Variants in CSMD1 observed in about 807,000 individuals in gnomAD.
CSMD1 encodes CUB and sushi domain-containing protein 1.
Under a neutral mutation model 417.5 loss-of-function variants are expected in CSMD1, and 213 were observed. The ratio of observed to expected loss-of-function variants is 0.51; its 90% CI spans 0.46 to 0.57. The LOEUF (loss-of-function observed/expected upper bound fraction) is 0.57. CSMD1 is among the 20% of genes least tolerant of loss of function. The pLI is 0.00. For synonymous variants in CSMD1, 2,862 were observed against 1,736.8 expected (o/e 1.65, Z -16.11); for missense variants, 6,923 against 4,529.7 (o/e 1.53, Z -15.17).
At chr8:3,303,469 T>G (rs779660158) in intron 25 of CSMD1, among the ~76,000 whole-genome samples, 46 of 152,194 alleles carry the variant, frequency 3.0e-4, no homozygotes, top group Non-Finnish European at 5.1e-4. Flanking sequence ...TTTGACAACC[T>G]TGATACCTTT....
At chr8:3,651,812 C>T (rs1797871652) in intron 7 of CSMD1, among the ~76,000 whole-genome samples, 1 of 151,654 alleles carries the variant, frequency 6.6e-6, no homozygotes, top group Admixed American at 6.6e-5. Context: ...CACTTACCAC[C>T]ATCAGAGCAC....
chr8:4,145,606 G>C (rs1033209534), intron 3 of CSMD1, among the ~76,000 whole-genome samples: 1 of 150,872 alleles, frequency 6.6e-6, no homozygotes, highest in Non-Finnish European at 1.5e-5. Flanking sequence ...ATGGGCTAGT[G>C]TCAAAGTCCT....
intron 1 of CSMD1, among the ~76,000 whole-genome samples, chr8:4,782,769 G>A (rs185271635): frequency 1.3e-5 from 2 of 152,212 alleles, no homozygotes; most frequent in African/African-American, 4.8e-5. Context: ...TTTCTAGTTA[G>A]TAATAGTTTC....
intron 1 of CSMD1, among the ~76,000 whole-genome samples, chr8:4,905,073 C>T (rs1041124539): frequency 6.6e-6 from 1 of 152,082 alleles, no homozygotes; most frequent in African/African-American, 2.4e-5. Flanking sequence ...ATTTCTCTGC[C>T]AGCATAGGAT....
chr8:3,873,978 C>T (rs2129115214), intron 5 of CSMD1, among the ~76,000 whole-genome samples: 1 of 152,288 alleles, frequency 6.6e-6, no homozygotes, highest in South Asian at 2.1e-4. Context: ...GTGTTGGTGA[C>T]ATAGGTCTGT....
chr8:4,686,428 C>T (rs191234538), intron 1 of CSMD1, among the ~76,000 whole-genome samples: 435 of 152,332 alleles, frequency 2.9e-3, no homozygotes, highest in African/African-American at 9.4e-3. Flanking sequence ...TCTTCTCCCC[C>T]GATGTAGGCC....
At chr8:4,861,143 C>A (rs1430775695) in intron 1 of CSMD1, among the ~76,000 whole-genome samples, 1 of 152,030 alleles carries the variant, frequency 6.6e-6, no homozygotes, top group East Asian at 1.9e-4. Context: ...AGTGAATGTT[C>A]GTTGAACAAA....
chr8:3,853,222 T>C (rs910544385), intron 5 of CSMD1, among the ~76,000 whole-genome samples: 14 of 152,176 alleles, frequency 9.2e-5, no homozygotes, highest in African/African-American at 2.9e-4. Context: ...TCTTCTTTGT[T>C]GGTTCTTCCT....
At chr8:3,809,749 G>A (rs747560047) in intron 5 of CSMD1, among the ~76,000 whole-genome samples, 12 of 152,108 alleles carry the variant, frequency 7.9e-5, no homozygotes, top group Non-Finnish European at 1.6e-4. Flanking sequence ...CCTAAGAGGG[G>A]AGTTGAGACA....
chr8:4,792,040 A>T (rs1797720747), intron 1 of CSMD1, among the ~76,000 whole-genome samples: 1 of 152,060 alleles, frequency 6.6e-6, no homozygotes, highest in Admixed American at 6.6e-5. Flanking sequence ...AAAAGTGGTG[A>T]CATTCTTACC....
At chr8:3,781,230 G>A (rs954269759) in intron 5 of CSMD1, among the ~76,000 whole-genome samples, 6 of 152,154 alleles carry the variant, frequency 3.9e-5, no homozygotes, top group Non-Finnish European at 8.8e-5. Flanking sequence ...AATTGCACCT[G>A]TTCAATTTTG....
chr8:3,276,708 A>T (rs1464069263), intron 26 of CSMD1, among the ~76,000 whole-genome samples: 2 of 152,158 alleles, frequency 1.3e-5, no homozygotes, highest in African/African-American at 2.4e-5. Flanking sequence ...GAAAATTTTG[A>T]ATTAAGCTCA....
At chr8:3,841,974 T>C (rs1342928815) in intron 5 of CSMD1, among the ~76,000 whole-genome samples, 1 of 152,178 alleles carries the variant, frequency 6.6e-6, no homozygotes, top group Non-Finnish European at 1.5e-5. Context: ...AAAAGCAGTT[T>C]TTTTCCATCG....
At chr8:4,348,592 T>G (rs529094219) in intron 3 of CSMD1, among the ~76,000 whole-genome samples, 2 of 100,672 alleles carry the variant, frequency 2.0e-5, no homozygotes, top group African/African-American at 7.8e-5. Context: ...TATGCATGTG[T>G]GTGTGCGTGG....
intron 4 of CSMD1, among the ~76,000 whole-genome samples, chr8:4,001,511 C>G (rs2130366003): frequency 6.6e-6 from 1 of 152,276 alleles, no homozygotes; most frequent in Non-Finnish European, 1.5e-5. Context: ...GTGCCCACCC[C>G]TGAGTACCAA....
intron 23 of CSMD1, among the ~76,000 whole-genome samples, chr8:3,308,713 T>C (rs1563255343): frequency 6.6e-6 from 1 of 150,854 alleles, no homozygotes; most frequent in Non-Finnish European, 1.5e-5. Context: ...TCATCTTATT[T>C]GTTCCTCCCT....
intron 5 of CSMD1, among the ~76,000 whole-genome samples, chr8:3,900,162 A>G (rs1437062082): frequency 2.0e-5 from 3 of 150,736 alleles, no homozygotes; most frequent in Non-Finnish European, 4.4e-5. Flanking sequence ...AGATGACACC[A>G]CAGCTGGGTG....
intron 1 of CSMD1, among the ~76,000 whole-genome samples, chr8:4,664,629 G>T (rs556225603): frequency 6.6e-6 from 1 of 152,218 alleles, no homozygotes; most frequent in Non-Finnish European, 1.5e-5. Flanking sequence ...GTTTTCAAGA[G>T]TTCTCAGATT....
At chr8:4,945,760 A>AGATGATGCCACCTGGAGG (rs1808323439) in intron 1 of CSMD1, among the ~76,000 whole-genome samples, 2 of 152,118 alleles carry the variant, frequency 1.3e-5, no homozygotes, top group Admixed American at 6.5e-5. Flanking sequence ...CCACCTGGAG[A>AGATGATGCCACCTGGAGG]AGATGATGAA....
Sources: gnomAD v4.1 joint callset for allele counts (sites outside exome capture counted in the v4.1 genomes callset) on GRCh38, gnomAD v4.1.1 for gene constraint, MANE v1.5 for transcripts, NCBI Gene and HGNC (gene_info 2026-07-23, HGNC 2026-07-21) for gene names.